Variants in MMP11 observed in about 807,000 individuals in gnomAD.
MMP11 encodes stromelysin-3.
In MMP11, 26 loss-of-function variants were observed where a neutral mutation model predicts 49.5. That is an observed-to-expected ratio of 0.52 (90% CI 0.38 to 0.73). The LOEUF is 0.73. Ranked by LOEUF, MMP11 falls within the 30% of genes least tolerant of loss-of-function variation. The pLI is 0.00. For missense variants in MMP11, 624 were observed against 671.2 expected, an observed-to-expected ratio of 0.93 and a Z score of 0.78; for synonymous variants, 265 against 282.3, an observed-to-expected ratio of 0.94 and a Z score of 0.62.
Position 23,783,637 on chromosome 22 carries a change from A to G in MMP11, c.*93A>G. 8 of 1,542,396 alleles carry G rather than the reference A, an allele frequency of 5.2e-6. No individual in the cohort carries two copies. Among genetic ancestry groups the G allele is most frequent in the Non-Finnish European group, 7.1e-6 (8 of 1,123,096 alleles). On this transcript the variant is annotated 3_prime_UTR_variant, in exon 8 of 8. Transcript: ENST00000215743. Reference sequence around the variant, plus strand: ...GGCCATCTTTGTGGCTGTGGGCACCAGGCATGGGACTGAGCCCATGTCTCC... The same window carrying G: ...GGCCATCTTTGTGGCTGTGGGCACCGGGCATGGGACTGAGCCCATGTCTCC...
chr22:23,779,246 C>T lies in MMP11; in HGVS notation c.168C>T (p.Pro56=). 6.2e-7 allele frequency: 1 copy of T among 1,609,232 alleles called. No individual in the cohort carries two copies. The highest frequency in any genetic ancestry group is 1.1e-5 in the South Asian group (1 of 90,332). Residue 56 remains proline, a synonymous_variant, in exon 2 of 8, where the codon CCC becomes CCT. Transcript: ENST00000215743. ...RGPQPWHAAL[P]SSPAPAPATQ... ...CACAGCCCTGGCATGCAGCCCTGCC[C>T]AGTAGCCCGGCACCTGCCCCTGCCA...
In MMP11 at chr22:23,780,135, T is replaced by C; in HGVS notation, c.339-224T>C. The C allele has an allele frequency of 1.7e-6, 1 of 597,140 alleles. No homozygotes were observed. The allele number at this position is 597,140 out of a possible 1,614,324, so 37.0% of individuals were successfully genotyped here. On this transcript the variant is annotated intron_variant, in intron 2 of 7. Coordinates refer to ENST00000215743, the MANE Select transcript of MMP11 (RefSeq NM_005940.5). This position sits in a 1 kb window ranked among gnomAD's most constrained non-coding sequence, Gnocchi z 4.6. The stretch of plus-strand genomic sequence containing the variant: ...CTCGGGACCCCTGGTCCTGGTTCTT[T>C]CCACTGAATTCAGACACTTGTATTT...
chr22:23,774,920 C>T (rs929766305), intron 1 of MMP11, among the ~76,000 whole-genome samples: 3 of 152,148 alleles, frequency 2.0e-5, no homozygotes, highest in African/African-American at 7.2e-5. Flanking sequence ...GGGTTGACTC[C>T]GAGTCTCTAA....
intron 7 of MMP11, 95 bp downstream of exon 7, chr22:23,782,578 G>T (rs892981448): frequency 7.0e-7 from 1 of 1,437,616 alleles, no homozygotes; most frequent in Non-Finnish European, 9.3e-7. Flanking sequence ...GCCACAGGAA[G>T]TCTGGCTCTT....
intron 1 of MMP11, among the ~76,000 whole-genome samples, chr22:23,774,622 T>G (rs1203515562): frequency 1.3e-5 from 2 of 152,104 alleles, no homozygotes; most frequent in Admixed American, 6.6e-5. Context: ...GCTTGCCACC[T>G]GGCTGTGTGA....
chr22:23,783,764 T>C lies in MMP11; in HGVS notation c.*220T>C. 1.6e-6 allele frequency: 1 copy of C among 618,948 alleles called. No homozygotes were observed. Among genetic ancestry groups the C allele is most frequent in the South Asian group, 2.0e-5 (1 of 50,820 alleles). The allele number at this position is 618,948 out of a possible 1,614,324, so 38.3% of individuals were successfully genotyped here. On this transcript the variant is annotated 3_prime_UTR_variant, in exon 8 of 8. Coordinates refer to ENST00000215743, the MANE Select transcript of MMP11 (RefSeq NM_005940.5). ...ACTGTCTCAGACTGGGCAGGGAGGCTTTGGCATGACTTAAGAGGAAGGGCA... is the reference window on the plus strand; with the variant it reads ...ACTGTCTCAGACTGGGCAGGGAGGCCTTGGCATGACTTAAGAGGAAGGGCA...
At chr22:23,779,154 C>G in intron 1 of MMP11, 33 bp from the exon 2 acceptor site, 1 of 1,516,918 alleles carries the variant, frequency 6.6e-7, no homozygotes, top group Non-Finnish European at 8.9e-7. Flanking sequence ...GACCTTAGGC[C>G]TGACCAGACC....
At chr22:23,775,362 C>T (rs1250718913) in intron 1 of MMP11, among the ~76,000 whole-genome samples, 1 of 152,204 alleles carries the variant, frequency 6.6e-6, no homozygotes, top group Non-Finnish European at 1.5e-5. Context: ...TCCTGAGAGT[C>T]CTGGGAAGGC....
intron 7 of MMP11, 74 bp downstream of exon 7, chr22:23,782,557 C>T (rs779299430): frequency 1.8e-4 from 263 of 1,488,404 alleles, no homozygotes; most frequent in Middle Eastern, 3.8e-4. Flanking sequence ...TGGCTGGGCT[C>T]CCACATGCCT....
Position 23,780,577 on chromosome 22 carries a change from T to G in MMP11, c.483-5T>G. 6.2e-7 allele frequency: 1 copy of G among 1,608,168 alleles called. No homozygotes were observed. The highest frequency in any genetic ancestry group is 8.5e-7 in the Non-Finnish European group (1 of 1,176,772). On this transcript the variant is annotated splice_region_variant and splice_polypyrimidine_tract_variant and intron_variant, in intron 3 of 7. Transcript: ENST00000215743. The surrounding 1 kb of genome is among the most constrained non-coding windows in gnomAD (Gnocchi z 4.6). ...GCCACTGACCCCGCCCCCACCCATC[T>G]GTAGGTACTGGCATGGGGACGACCT...
Position 23,779,474 on chromosome 22 carries a change from C to T in MMP11, c.338+58C>T, listed in dbSNP as rs28363650. On this transcript the variant is annotated intron_variant, in intron 2 of 7. Coordinates refer to ENST00000215743, the MANE Select transcript of MMP11 (RefSeq NM_005940.5). ...ACCTGTGTGTCCGTGGGTAAGCCAG[C>T]TGCCCTCACAGCTGCTGCTTGAGAC... 24,090 of 1,433,966 alleles carry T rather than the reference C, an allele frequency of 0.017. 1,370 individuals are homozygous for T. In the African/African-American group the frequency reaches 0.19, roughly 11 times the overall value. 88.8% of individuals were successfully genotyped at this position (1,433,966 alleles called of 1,614,324 possible). A position where few individuals can be genotyped will look rare whatever the true frequency, so the allele number is the denominator to read the frequency against.
chr22:23,773,430 A>G (rs1283862577), intron 1 of MMP11, among the ~76,000 whole-genome samples: 1 of 151,948 alleles, frequency 6.6e-6, no homozygotes, highest in Non-Finnish European at 1.5e-5. Context: ...ATAAAGGGAG[A>G]AGGGAGGGCA....
At position 23,784,208 on chromosome 22, in the gene MMP11, C is replaced by T. The variant is rs1927756308; in HGVS notation, c.*664C>T. ...GATCCTCCTGAAGCCCTTTTCGCAG[C>T]ACTGCTATCCTCCAAAGCCATTGTA... On this transcript the variant is annotated 3_prime_UTR_variant, in exon 8 of 8. Coordinates refer to ENST00000215743, the MANE Select transcript of MMP11 (RefSeq NM_005940.5). The T allele has an allele frequency of 6.5e-6, 1 of 154,524 alleles. No homozygotes were observed. The highest frequency in any genetic ancestry group is 1.4e-5 in the Non-Finnish European group (1 of 69,238). 9.6% of individuals were successfully genotyped at this position (154,524 alleles called of 1,614,324 possible). A position where few individuals can be genotyped will look rare whatever the true frequency, so the allele number is the denominator to read the frequency against.
At position 23,780,079 on chromosome 22, in the gene MMP11, T is replaced by A; in HGVS notation, c.339-280T>A. ...TCAAGGAACCAAGGTGTCCCCACAG[T>A]AAGTGGCACTGTCAGGTCTAGGATG... On this transcript the variant is annotated intron_variant, in intron 2 of 7. Coordinates refer to ENST00000215743, the MANE Select transcript of MMP11 (RefSeq NM_005940.5). This position sits in a 1 kb window ranked among gnomAD's most constrained non-coding sequence, Gnocchi z 4.6. 1 of 488,922 alleles carries A rather than the reference T, an allele frequency of 2.0e-6. No homozygotes were observed. Among genetic ancestry groups the A allele is most frequent in the Non-Finnish European group, 3.7e-6 (1 of 270,180 alleles). The allele number at this position is 488,922 out of a possible 1,614,324, so 30.3% of individuals were successfully genotyped here.
intron 7 of MMP11, chr22:23,782,756 C>A (rs1371883719): frequency 7.3e-6 from 4 of 548,440 alleles, no homozygotes; most frequent in Non-Finnish European, 1.3e-5. Context: ...TGAGGGCCAA[C>A]AATGCTCTAA....
At position 23,783,519 on chromosome 22, in the gene MMP11, C is replaced by T. The variant is rs544435161; in HGVS notation, c.1442C>T (p.Ala481Val). 6.2e-7 allele frequency: 1 copy of T among 1,614,188 alleles called. No individual in the cohort carries two copies. The highest frequency in any genetic ancestry group is 2.2e-5 in the East Asian group (1 of 44,884). ...GTGGGTCCTGACTTCTTTGGCTGTG[C>T]CGAGCCTGCCAACACTTTCCTCTGA... ...RLVGPDFFGC[A>V]EPANTFL The change falls in exon 8 of 8, where the codon GCC (alanine) becomes GTC (valine). Residue 481 changes from alanine (A) to valine (V), a missense_variant. Transcript: ENST00000215743.
chr22:23,780,508 T>C lies in MMP11; in HGVS notation c.482+6T>C. The C allele has an allele frequency of 6.2e-7, 1 of 1,613,596 alleles. No individual in the cohort carries two copies. The highest frequency in any genetic ancestry group is 8.5e-7 in the Non-Finnish European group (1 of 1,179,978). Reference sequence around the variant, plus strand: ...ATCATGATCGACTTCGCCAGGTGAATGGGCGGCCTGGGACCCCTCCGGGAA... The same window carrying C: ...ATCATGATCGACTTCGCCAGGTGAACGGGCGGCCTGGGACCCCTCCGGGAA... On this transcript the variant is annotated splice_donor_region_variant and intron_variant, in intron 3 of 7. Transcript: ENST00000215743. This position sits in a 1 kb window ranked among gnomAD's most constrained non-coding sequence, Gnocchi z 4.6.
chr22:23,772,984 T>A lies in MMP11; in HGVS notation c.108+6T>A. ...TGGCCCGGGCTCTGCCGCCGGTGAG[T>A]GCCCGCCACTCGCCGGCCGCTCCTC... On this transcript the variant is annotated splice_donor_region_variant and intron_variant, in intron 1 of 7. Coordinates refer to ENST00000215743, the MANE Select transcript of MMP11 (RefSeq NM_005940.5). 1 of 1,186,896 alleles carries A rather than the reference T, an allele frequency of 8.4e-7. No homozygotes were observed. The highest frequency in any genetic ancestry group is 1.0e-6 in the Non-Finnish European group (1 of 958,884). 73.5% of individuals were successfully genotyped at this position (1,186,896 alleles called of 1,614,324 possible).
Position 23,772,883 on chromosome 22 carries a change from G to T in MMP11, c.13G>T (p.Ala5Ser). 1 of 1,161,464 alleles carries T rather than the reference G, an allele frequency of 8.6e-7. No homozygotes were observed. Among genetic ancestry groups the T allele is most frequent in the East Asian group, 4.1e-5 (1 of 24,548 alleles). 71.9% of individuals were successfully genotyped at this position (1,161,464 alleles called of 1,614,324 possible). The change falls in exon 1 of 8, where the codon GCC (alanine) becomes TCC (serine). Residue 5 changes from alanine to serine, a missense_variant. Ala to Ser is a moderately conservative substitution (Grantham distance 99). Coordinates refer to ENST00000215743, the MANE Select transcript of MMP11 (RefSeq NM_005940.5). The part of the protein sequence containing the change: MAPA[A>S]WLRSAAARAL... The stretch of plus-strand genomic sequence containing the variant: ...AGCCCCGGGGCGGATGGCTCCGGCC[G>T]CCTGGCTCCGCAGCGCGGCCGCGCG...
Sources: allele counts gnomAD v4.1 joint callset (sites outside exome capture counted in the v4.1 genomes callset), GRCh38; gene constraint gnomAD v4.1.1; non-coding constraint Gnocchi (gnomAD v3.1); transcripts MANE v1.5; gene names NCBI Gene and HGNC (gene_info 2026-07-23, HGNC 2026-07-21).